Variants in ALOX5 observed in about 807,000 individuals in gnomAD.
ALOX5 encodes arachidonate 5-lipoxygenase, also known as polyunsaturated fatty acid 5-lipoxygenase.
ALOX5 carries 64 observed loss-of-function variants against 87.9 expected under a neutral mutation model. That is an observed-to-expected ratio of 0.73 (90% confidence interval 0.60 to 0.90). The LOEUF is 0.90. Ranked by LOEUF, ALOX5 falls within the 40% of genes least tolerant of loss-of-function variation. ALOX5 has a pLI of 0.00. For missense variants in ALOX5, 822 were observed against 907.5 expected (o/e 0.91, Z 1.21); for synonymous variants, 388 against 355.1 (o/e 1.09, Z -1.04).
At chr10:45,417,618 G>T (rs988882787) in intron 4 of ALOX5, among the ~76,000 whole-genome samples, 1 of 152,192 alleles carries the variant, frequency 6.6e-6, no homozygotes, top group African/African-American at 2.4e-5. Context: ...TGTATAATTT[G>T]TTGGAGGCTC....
At chr10:45,420,591 G>C (rs935486307) in intron 4 of ALOX5, among the ~76,000 whole-genome samples, 3 of 152,252 alleles carry the variant, frequency 2.0e-5, no homozygotes, top group African/African-American at 7.2e-5. Flanking sequence ...ACTGAAACTT[G>C]GCTGAAGTCA....
At chr10:45,436,114 T>C (rs1394272966) in intron 7 of ALOX5, among the ~76,000 whole-genome samples, 1 of 152,156 alleles carries the variant, frequency 6.6e-6, no homozygotes, top group Non-Finnish European at 1.5e-5. Flanking sequence ...TTTTTAATGG[T>C]GGTGTTTTTT....
At chr10:45,387,965 G>T (rs1217117011) in intron 2 of ALOX5, among the ~76,000 whole-genome samples, 1 of 152,190 alleles carries the variant, frequency 6.6e-6, no homozygotes, top group East Asian at 1.9e-4. Flanking sequence ...CAGAACAGTG[G>T]GGGCAGCCCA....
rs1335491229 is a variant in ALOX5, at chr10:45,424,074, C to T, written c.588C>T (p.His196=). 6.2e-7 allele frequency: 1 copy of T among 1,614,100 alleles called. No homozygotes were observed. Among genetic ancestry groups the T allele is most frequent in the Non-Finnish European group, 8.5e-7 (1 of 1,180,050 alleles). ...MENLFINRFM[H]MFQSSWNDFA... is the part of the protein sequence containing the mutation. ...ACCTGTTCATCAACCGCTTCATGCA[C>T]ATGTTCCAGTCTTCTTGGAATGACT... The change falls in exon 5 of 14, where the codon CAC becomes CAT. Residue 196 remains histidine, a synonymous_variant. Transcript: ENST00000374391.
Position 45,398,410 on chromosome 10 carries a change from A to G in ALOX5, c.431+2474A>G, listed in dbSNP as rs146613174. On this transcript the variant is annotated intron_variant, in intron 3 of 13. Coordinates refer to ENST00000374391, the MANE Select transcript of ALOX5 (RefSeq NM_000698.5). ...CTATAAAACTCTTTTAAGAAAACAC[A>G]GGAGTAAACCTTCATGACTTTGGAT... 1.4e-4 allele frequency among the ~76,000 whole-genome samples: 22 copies of G among 152,360 alleles called. 1 individual carries two copies. Among genetic ancestry groups the G allele is most frequent in the African/African-American group, 5.3e-4 (22 of 41,590 alleles).
intron 1 of ALOX5, 102 bp from the exon 2 acceptor site, chr10:45,382,381 C>T (rs752535215): frequency 1.8e-5 from 22 of 1,214,254 alleles, no homozygotes; most frequent in Non-Finnish European, 2.5e-5. Context: ...CAACGTAGTC[C>T]CTGTGCCACA....
intron 1 of ALOX5, among the ~76,000 whole-genome samples, chr10:45,375,559 CA>C (rs1839573983): frequency 6.6e-6 from 1 of 152,222 alleles, no homozygotes; most frequent in Admixed American, 6.5e-5. Context: ...TGAAATTGCT[CA>C]TAATGGACAA....
chr10:45,426,118 G>A (rs1392868104), intron 6 of ALOX5, among the ~76,000 whole-genome samples: 1 of 152,240 alleles, frequency 6.6e-6, no homozygotes, highest in Admixed American at 6.5e-5. Context: ...GAGAGCATCT[G>A]TGTTCCTGAG....
chr10:45,394,777 C>A (rs1237111505), intron 2 of ALOX5, among the ~76,000 whole-genome samples: 1 of 152,122 alleles, frequency 6.6e-6, no homozygotes, highest in Non-Finnish European at 1.5e-5. Context: ...CAAACAACCC[C>A]ATCAAAAAGT....
At chr10:45,408,740 G>A (rs1840965636) in intron 3 of ALOX5, among the ~76,000 whole-genome samples, 1 of 152,108 alleles carries the variant, frequency 6.6e-6, no homozygotes, top group Non-Finnish European at 1.5e-5. Flanking sequence ...TTGGCCAAGG[G>A]GAGGGTCCAT....
At position 45,444,022 on chromosome 10, in the gene ALOX5, T is replaced by C. The variant is rs1842345525; in HGVS notation, c.1675-94T>C. ...AGGATGGACGGACTGCAGGGCCCGC[T>C]GGAGTTGGGGGGCACGGGGAGGACG... On this transcript the variant is annotated intron_variant, in intron 12 of 13. Coordinates refer to ENST00000374391, the MANE Select transcript of ALOX5 (RefSeq NM_000698.5). The C allele has an allele frequency of 2.1e-6, 3 of 1,453,614 alleles. No individual in the cohort carries two copies. The South Asian group carries it at 4.1e-5, about 20-fold the overall frequency. 90.0% of individuals were successfully genotyped at this position (1,453,614 alleles called of 1,614,324 possible).
Position 45,374,390 on chromosome 10 carries a change from G to A in ALOX5, c.111G>A (p.Leu37=), listed in dbSNP as rs1839501127. The part of the protein sequence containing the change: ...VGSAGCSEKH[L]LDKPFYNDFE... ...CGGCGGGCTGCAGCGAGAAGCACCTGCTGGACAAGCCCTTCTACAACGACT... is the reference window on the plus strand; with the variant it reads ...CGGCGGGCTGCAGCGAGAAGCACCTACTGGACAAGCCCTTCTACAACGACT... The change falls in exon 1 of 14, where the codon CTG becomes CTA. Residue 37 remains leucine, a synonymous_variant. Transcript: ENST00000374391. 1 of 1,565,158 alleles carries A rather than the reference G, an allele frequency of 6.4e-7. No individual in the cohort carries two copies. The highest frequency in any genetic ancestry group is 2.5e-5 in the East Asian group (1 of 40,278).
intron 3 of ALOX5, among the ~76,000 whole-genome samples, chr10:45,403,835 C>T (rs760082645): frequency 2.6e-4 from 40 of 152,154 alleles, no homozygotes; most frequent in Non-Finnish European, 5.9e-5. Context: ...TGAGCTCTGC[C>T]TCCCATCCCA....
At chr10:45,433,195 G>C (rs984449407) in intron 7 of ALOX5, among the ~76,000 whole-genome samples, 1 of 152,254 alleles carries the variant, frequency 6.6e-6, no homozygotes, top group Non-Finnish European at 1.5e-5. Context: ...CTCATGAGTT[G>C]TTGCAGCCTG....
Position 45,374,367 on chromosome 10 carries a change from G to A in ALOX5, c.88G>A (p.Ala30Thr). 6.4e-7 allele frequency: 1 copy of A among 1,550,524 alleles called. No individual in the cohort carries two copies. The highest frequency in any genetic ancestry group is 8.7e-7 in the Non-Finnish European group (1 of 1,151,800). ...CATCTACCTCAGCCTCGTGGGCTCG[G>A]CGGGCTGCAGCGAGAAGCACCTGCT... Reference protein sequence around the residue: ...DYIYLSLVGSAGCSEKHLLDK... With the variant: ...DYIYLSLVGSTGCSEKHLLDK... Residue 30 changes from alanine to threonine, a missense_variant, in exon 1 of 14, where the codon GCG becomes ACG. Coordinates refer to ENST00000374391, the MANE Select transcript of ALOX5 (RefSeq NM_000698.5).
chr10:45,382,467 C>T lies in ALOX5; in HGVS notation c.151-16C>T, dbSNP rs765907402. The T allele has an allele frequency of 6.2e-7, 1 of 1,614,068 alleles. No homozygotes were observed. Among genetic ancestry groups the T allele is most frequent in the Non-Finnish European group, 8.5e-7 (1 of 1,179,958 alleles). On this transcript the variant is annotated splice_polypyrimidine_tract_variant and intron_variant, in intron 1 of 13. Transcript: ENST00000374391. Reference sequence around the variant, plus strand: ...AGGAGACCACGCATGGCCTGATTGCCTGTTCTCCTTCCCAGGTGGATTCAT... The same window carrying T: ...AGGAGACCACGCATGGCCTGATTGCTTGTTCTCCTTCCCAGGTGGATTCAT...
intron 4 of ALOX5, 108 bp downstream of exon 4, chr10:45,412,421 C>G: frequency 7.0e-7 from 1 of 1,420,914 alleles, no homozygotes; most frequent in Non-Finnish European, 9.6e-7. Context: ...GGGGAACAGC[C>G]TAGCTGAGCC....
At chr10:45,442,912 A>G in intron 9 of ALOX5, 126 bp from the exon 10 acceptor site, 1 of 1,010,636 alleles carries the variant, frequency 9.9e-7, no homozygotes, top group Non-Finnish European at 1.4e-6. Flanking sequence ...CCCCCATCTC[A>G]CAGGACAAGG....
At chr10:45,395,491 G>T (rs373185102) in intron 2 of ALOX5, among the ~76,000 whole-genome samples, 1 of 151,962 alleles carries the variant, frequency 6.6e-6, no homozygotes, top group South Asian at 2.1e-4. Context: ...AGCATTAGGA[G>T]ATATAACTAA....
Sources: allele counts gnomAD v4.1 joint callset (sites outside exome capture counted in the v4.1 genomes callset), GRCh38; gene constraint gnomAD v4.1.1; transcripts MANE v1.5; gene names NCBI Gene and HGNC (gene_info 2026-07-23, HGNC 2026-07-21).